The following ARL10 variants were observed in gnomAD, a reference collection of about 807,000 sequenced individuals.
The protein encoded by ARL10 is ADP-ribosylation factor-like protein 10.
A neutral mutation model predicts 26.1 loss-of-function variants in ARL10; 23 were observed. That is an observed-to-expected ratio of 0.88 (90% CI 0.63 to 1.25). ARL10 has a LOEUF of 1.25. ARL10 is among the 50% of genes most tolerant of loss of function. The pLI is 0.00. For missense variants in ARL10, 300 were observed against 323.6 expected (o/e 0.93, Z 0.56); for synonymous variants, 138 against 149.1 (o/e 0.93, Z 0.54).
chr5:176,394,780 A>G (rs939880112), intron 1 of ARL10, among the ~76,000 whole-genome samples: 1 of 151,388 alleles, frequency 6.6e-6, no homozygotes, highest in African/African-American at 2.4e-5. Flanking sequence ...ATGCCACTGC[A>G]CTCCAGCCTG....
chr5:176,392,774 C>T, downstream of ARL10: 1 of 1,613,912 alleles, frequency 6.2e-7, no homozygotes. This position sits in a 1 kb window ranked among gnomAD's most constrained non-coding sequence, Gnocchi z 5.2. Context: ...TAGCAGGCAC[C>T]TAGCGGGACA....
chr5:176,408,168 G>A, the ARL10 span, among the ~76,000 whole-genome samples: 1 of 151,990 alleles, frequency 6.6e-6, no homozygotes, highest in Non-Finnish European at 1.5e-5. Context: ...GGGGAAGAGA[G>A]TTAGGTGGGT....
chr5:176,388,411 C>A (rs751172532), exon 2 of ARL10: 9 of 1,613,504 alleles, frequency 5.6e-6, no homozygotes, highest in Non-Finnish European at 7.6e-6. Context: ...CCCACGGCCA[C>A]CCGGAACCCC....
chr5:176,410,358 G>A, the ARL10 span: 163 of 1,530,546 alleles, frequency 1.1e-4, 1 homozygote, highest in Middle Eastern at 1.7e-4. Flanking sequence ...TAGCAAGCAG[G>A]AAATGGTCCT....
rs1768319874 is a variant in ARL10 at position 176,366,675 on chromosome 5, G to C, written c.385+94G>C. 3 of 1,400,454 alleles carry C rather than the reference G, an allele frequency of 2.1e-6. No individual in the cohort carries two copies. The East Asian group carries it at 7.1e-5, about 33-fold the overall frequency. 86.8% of individuals were successfully genotyped at this position (1,400,454 alleles called of 1,614,324 possible). The stretch of plus-strand genomic sequence containing the variant: ...GGGGGCTTCCAAAATGCATGTCTAA[G>C]CAGCACATTCCCCTCTACGAATCCT... On this transcript the variant is annotated intron_variant, in intron 2 of 3. Coordinates refer to ENST00000310389, the MANE Select transcript of ARL10 (RefSeq NM_173664.6).
At chr5:176,395,765 T>C (rs1756490900) in intron 1 of ARL10, among the ~76,000 whole-genome samples, 1 of 152,114 alleles carries the variant, frequency 6.6e-6, no homozygotes, top group South Asian at 2.1e-4. Flanking sequence ...GAGGAAGAGA[T>C]GGATGTCACA....
downstream of ARL10, chr5:176,389,393 C>T (rs1365972904): frequency 1.9e-6 from 3 of 1,614,058 alleles, no homozygotes; most frequent in African/African-American, 2.7e-5. Flanking sequence ...GGGCAACAGC[C>T]AGCGCTCTCA....
At chr5:176,406,491 T>C, downstream of ARL10, 1 of 1,209,310 alleles carries the variant, frequency 8.3e-7, no homozygotes, top group Non-Finnish European at 1.1e-6. Context: ...TAAGCTAAGC[T>C]GAGCTGCTGA....
At chr5:176,394,615 G>A (rs58339606) in intron 1 of ARL10, among the ~76,000 whole-genome samples, 77 of 151,576 alleles carry the variant, frequency 5.1e-4, no homozygotes, top group Admixed American at 4.1e-3. Flanking sequence ...CAGATGGAGA[G>A]CATCCTGGCT....
downstream of ARL10, among the ~76,000 whole-genome samples, chr5:176,391,088 A>AC (rs1466691302): frequency 1.3e-5 from 2 of 151,298 alleles, no homozygotes; most frequent in Admixed American, 1.3e-4. Context: ...CCCTTCTTGA[A>AC]CCCCCCAACA....
chr5:176,397,769 G>T, intron 1 of ARL10: 1 of 1,558,964 alleles, frequency 6.4e-7, no homozygotes, highest in Non-Finnish European at 8.8e-7. Context: ...GGATGCACAG[G>T]CCCGGCCGCG....
chr5:176,413,881 C>T, the ARL10 span, among the ~76,000 whole-genome samples: 1 of 152,188 alleles, frequency 6.6e-6, no homozygotes, highest in South Asian at 2.1e-4. Flanking sequence ...GCCTGGGAGA[C>T]CCTCAGAAGG....
At chr5:176,403,594 C>T (rs180740127), downstream of ARL10, among the ~76,000 whole-genome samples, 714 of 151,906 alleles carry the variant, frequency 4.7e-3, 6 homozygotes, top group African/African-American at 0.016. Flanking sequence ...GCTGAGATTA[C>T]AGGCGCCCAC....
downstream of ARL10, among the ~76,000 whole-genome samples, chr5:176,403,500 G>C (rs1307326132): frequency 6.6e-6 from 1 of 151,888 alleles, no homozygotes; most frequent in African/African-American, 2.4e-5. Context: ...TGTCACCCAG[G>C]CTGGAGTGCA....
In ARL10 at chr5:176,381,895, G is replaced by A. The variant is rs1321597630; in HGVS notation, c.*10000G>A. ...GTGGGAGGTGAACTTGAAGAATAAA[G>A]TTTCATTATGTTTACTTGAGCTGCT... is the stretch of plus-strand genomic sequence containing the variant. On this transcript the variant is annotated 3_prime_UTR_variant, in exon 4 of 4. Coordinates refer to ENST00000310389, the MANE Select transcript of ARL10 (RefSeq NM_173664.6). 1 of 152,168 alleles carries A rather than the reference G, an allele frequency of 6.6e-6. No individual in the cohort carries two copies. Among genetic ancestry groups the A allele is most frequent in the Non-Finnish European group, 1.5e-5 (1 of 68,028 alleles). The allele number at this position is 152,168 out of a possible 1,614,324, so 9.4% of individuals were successfully genotyped here.
chr5:176,396,095 A>T (rs1305609860), intron 1 of ARL10, among the ~76,000 whole-genome samples: 2 of 152,162 alleles, frequency 1.3e-5, no homozygotes, highest in Non-Finnish European at 2.9e-5. Flanking sequence ...AGATCGCAGC[A>T]CTGCACTCCA....
chr5:176,392,483 A>T (rs184888706), downstream of ARL10: 559 of 350,846 alleles, frequency 1.6e-3, 1 homozygote, highest in Non-Finnish European at 2.4e-3. The surrounding 1 kb of genome is among the most constrained non-coding windows in gnomAD (Gnocchi z 5.2). Flanking sequence ...GAATGATAAT[A>T]AATAAGTGTA....
the ARL10 span, among the ~76,000 whole-genome samples, chr5:176,408,735 G>A: frequency 1.3e-5 from 2 of 152,126 alleles, no homozygotes; most frequent in Non-Finnish European, 2.9e-5. Context: ...TGCCCAGTTT[G>A]GTCTCAAACT....
downstream of ARL10, chr5:176,392,995 C>G (rs72807216): frequency 1.2e-6 from 2 of 1,607,898 alleles, no homozygotes; most frequent in Non-Finnish European, 8.5e-7. The surrounding 1 kb of genome is among the most constrained non-coding windows in gnomAD (Gnocchi z 5.2). Context: ...TTTCCCCCAG[C>G]CTTGCCCTTG....
Sources: allele counts gnomAD v4.1 joint callset (sites outside exome capture counted in the v4.1 genomes callset), GRCh38; gene constraint gnomAD v4.1.1; non-coding constraint Gnocchi (gnomAD v3.1); transcripts MANE v1.5; gene names NCBI Gene and HGNC (gene_info 2026-07-23, HGNC 2026-07-21).